The following POU6F2 variants were observed in gnomAD, a reference collection of about 807,000 sequenced individuals.
POU6F2 encodes POU domain, class 6, transcription factor 2.
Under a neutral mutation model 71.3 loss-of-function variants are expected in POU6F2, and 31 were observed. The observed-to-expected ratio is 0.43, with a 90% confidence interval of 0.33 to 0.59. The LOEUF (loss-of-function observed/expected upper bound fraction) is 0.59. Ranked by LOEUF, POU6F2 falls within the 20% of genes least tolerant of loss-of-function variation. The pLI, the probability that POU6F2 is intolerant of heterozygous loss-of-function variation, is 0.04. For synonymous variants in POU6F2, 347 were observed against 355.7 expected, an observed-to-expected ratio of 0.98 and a Z score of 0.27; for missense variants, 783 against 856.8, an observed-to-expected ratio of 0.91 and a Z score of 1.07.
chr7:39,279,052 A>G (rs6968147), intron 4 of POU6F2, among the ~76,000 whole-genome samples: 115,165 of 152,100 alleles, frequency 0.76, 43,718 homozygotes, highest in Middle Eastern at 0.85. Context: ...TCCCAGGTGC[A>G]CCATGGCCCC....
chr7:39,248,879 A>G (rs1375318507), intron 4 of POU6F2, among the ~76,000 whole-genome samples: 2 of 152,188 alleles, frequency 1.3e-5, no homozygotes, highest in Non-Finnish European at 2.9e-5. Context: ...AGTGGTTTTC[A>G]GAGTCAGAAA....
chr7:39,217,318 A>C (rs535686046), intron 4 of POU6F2, among the ~76,000 whole-genome samples: 96 of 151,312 alleles, frequency 6.3e-4, no homozygotes, highest in Non-Finnish European at 1.3e-3. Context: ...TCGAAGGAGA[A>C]ATTGCTGGCA....
intron 1 of POU6F2, among the ~76,000 whole-genome samples, chr7:39,015,594 A>C (rs1273996182): frequency 3.0e-5 from 3 of 99,944 alleles, no homozygotes; most frequent in African/African-American, 7.8e-5. Context: ...TTTTATATAG[A>C]TATATCTATG....
intron 4 of POU6F2, among the ~76,000 whole-genome samples, chr7:39,229,767 T>C (rs1794539507): frequency 6.6e-6 from 1 of 152,240 alleles, no homozygotes; most frequent in Admixed American, 6.5e-5. Context: ...AGTCTCTCCA[T>C]TTACTTTGCA....
At chr7:39,065,649 TAA>T (rs1289089906) in intron 1 of POU6F2, among the ~76,000 whole-genome samples, 2 of 128,650 alleles carry the variant, frequency 1.6e-5, no homozygotes, top group African/African-American at 6.6e-5. Flanking sequence ...GTTAAAGTGA[TAA>T]AATAATATAA....
At position 38,999,259 on chromosome 7, in the gene POU6F2, TA is replaced by T. The variant is rs373591272; in HGVS notation, c.105+21202del. ...TGTAAGGTCCCACTGGATACTTTTT[TA>T]TTAGCTACTGGAGGCAGGGGCCATA... On this transcript the variant is annotated intron_variant, in intron 1 of 9. Coordinates refer to ENST00000518318, the MANE Select transcript of POU6F2 (RefSeq NM_001370959.1). Among the ~76,000 whole-genome samples, 341 of 152,270 alleles carry T rather than the reference TA, an allele frequency of 2.2e-3. 2 individuals carry two copies. Among genetic ancestry groups the T allele is most frequent in the African/African-American group, 7.9e-3 (327 of 41,554 alleles).
At chr7:39,243,129 GA>G (rs1458730893) in intron 4 of POU6F2, among the ~76,000 whole-genome samples, 1 of 152,104 alleles carries the variant, frequency 6.6e-6, no homozygotes, top group Non-Finnish European at 1.5e-5. Context: ...CACACTAAAT[GA>G]AACTCTTCTC....
At chr7:39,156,733 C>A (rs1020603821) in intron 2 of POU6F2, among the ~76,000 whole-genome samples, 12 of 152,190 alleles carry the variant, frequency 7.9e-5, no homozygotes, top group African/African-American at 2.9e-4. Flanking sequence ...CAAAAGCATG[C>A]AAGATCATTC....
intron 5 of POU6F2, among the ~76,000 whole-genome samples, chr7:39,364,618 A>C (rs1786460682): frequency 6.6e-6 from 1 of 152,188 alleles, no homozygotes; most frequent in African/African-American, 2.4e-5. Flanking sequence ...ATGGCTGAGT[A>C]GTATTCCATC....
intron 7 of POU6F2, among the ~76,000 whole-genome samples, chr7:39,436,347 T>A (rs1788242164): frequency 6.6e-6 from 1 of 152,164 alleles, no homozygotes; most frequent in Non-Finnish European, 1.5e-5. Flanking sequence ...ATATCCCCTG[T>A]TAGCTGTATT....
At chr7:39,360,305 T>C (rs1354213749) in intron 5 of POU6F2, among the ~76,000 whole-genome samples, 1 of 152,160 alleles carries the variant, frequency 6.6e-6, no homozygotes, top group Non-Finnish European at 1.5e-5. Flanking sequence ...CTAGTTAACT[T>C]GGTGTTAGGC....
chr7:38,981,308 T>C (rs950008568), intron 1 of POU6F2, among the ~76,000 whole-genome samples: 13 of 152,142 alleles, frequency 8.5e-5, no homozygotes, highest in African/African-American at 3.1e-4. Flanking sequence ...GAGTGACAGA[T>C]TAGTTCATCA....
chr7:39,190,417 T>TAAAAAA (rs57872350), intron 2 of POU6F2, among the ~76,000 whole-genome samples: 23 of 59,906 alleles, frequency 3.8e-4, no homozygotes, highest in African/African-American at 1.5e-3. Context: ...CTCCTTTTCT[T>TAAAAAA]AAAAAAAAAA....
At chr7:39,206,341 T>C (rs1225491639) in intron 3 of POU6F2, among the ~76,000 whole-genome samples, 1 of 152,112 alleles carries the variant, frequency 6.6e-6, no homozygotes, top group Admixed American at 6.5e-5. Context: ...ACTCAAAACA[T>C]GCCGAGCAGT....
At chr7:39,305,658 G>T (rs1236712701) in intron 4 of POU6F2, among the ~76,000 whole-genome samples, 2 of 152,180 alleles carry the variant, frequency 1.3e-5, no homozygotes. Context: ...CTTCTGTAGA[G>T]GCTTTTCCCC....
chr7:39,224,469 A>T (rs1401803958), intron 4 of POU6F2, among the ~76,000 whole-genome samples: 1 of 152,018 alleles, frequency 6.6e-6, no homozygotes, highest in African/African-American at 2.4e-5. Context: ...ATGTCTTCTT[A>T]GCTAAATTCT....
chr7:39,056,662 CTGTGTGTGTGTGTGTATGTGTG>C (rs1162213081), intron 1 of POU6F2, among the ~76,000 whole-genome samples: 1 of 113,330 alleles, frequency 8.8e-6, no homozygotes, highest in African/African-American at 3.7e-5. Flanking sequence ...CTCTCTCTCT[CTGTGTGTGTGTGTGTATGTGTG>C]TGTGTGTGTG....
chr7:39,138,601 C>T (rs931147720), intron 2 of POU6F2, among the ~76,000 whole-genome samples: 77 of 152,318 alleles, frequency 5.1e-4, no homozygotes, highest in African/African-American at 1.8e-3. Flanking sequence ...TGTCTCCCGT[C>T]ATCCCCAGAT....
At chr7:39,440,122 C>T (rs1173483623) in intron 7 of POU6F2, among the ~76,000 whole-genome samples, 1 of 152,102 alleles carries the variant, frequency 6.6e-6, no homozygotes, top group Non-Finnish European at 1.5e-5. Context: ...ACAGTTTTTC[C>T]TTCATTTTGC....
Sources: allele counts gnomAD v4.1 joint callset (sites outside exome capture counted in the v4.1 genomes callset), GRCh38; gene constraint gnomAD v4.1.1; transcripts MANE v1.5; gene names NCBI Gene and HGNC (gene_info 2026-07-23, HGNC 2026-07-21).